The following PLCH1 variants were observed in gnomAD, a reference collection of about 807,000 sequenced individuals.
PLCH1 encodes the protein 1-phosphatidylinositol 4,5-bisphosphate phosphodiesterase eta-1.
PLCH1 carries 60 observed loss-of-function variants against 126.7 expected under a neutral mutation model. That is an observed-to-expected ratio of 0.47 (90% CI 0.38 to 0.59). The LOEUF is 0.59. PLCH1 is among the 20% of genes least tolerant of loss of function. PLCH1 has a pLI of 0.00. For synonymous variants in PLCH1, 719 were observed against 734.9 expected (o/e 0.98, Z 0.35); for missense variants, 1,723 against 2,040.0 (o/e 0.84, Z 2.99).
At chr3:155,637,153 G>T (rs1193655531) in intron 2 of PLCH1, among the ~76,000 whole-genome samples, 4 of 152,088 alleles carry the variant, frequency 2.6e-5, no homozygotes, top group Admixed American at 2.6e-4. Flanking sequence ...AAACTGATTG[G>T]ACCGTAAGCC....
chr3:155,575,308 T>G (rs1325190210), intron 6 of PLCH1, among the ~76,000 whole-genome samples: 1 of 152,082 alleles, frequency 6.6e-6, no homozygotes, highest in Non-Finnish European at 1.5e-5. Context: ...TTAGAATGAT[T>G]AGAATGACCA....
intron 21 of PLCH1, among the ~76,000 whole-genome samples, chr3:155,451,453 G>T (rs1200249274): frequency 6.6e-6 from 1 of 152,152 alleles, no homozygotes; most frequent in Non-Finnish European, 1.5e-5. Flanking sequence ...TGTTTAGAAG[G>T]TGTGATGGTT....
intron 2 of PLCH1, among the ~76,000 whole-genome samples, chr3:155,665,510 G>A (rs1246175101): frequency 6.6e-6 from 1 of 152,190 alleles, no homozygotes; most frequent in Non-Finnish European, 1.5e-5. Context: ...GTAGTGGAAG[G>A]AGAGGAGGCA....
At chr3:155,664,536 G>A (rs544148615) in intron 2 of PLCH1, among the ~76,000 whole-genome samples, 20 of 152,290 alleles carry the variant, frequency 1.3e-4, no homozygotes, top group African/African-American at 2.2e-4. Context: ...CAAAAGCAGC[G>A]TTAGAAAATA....
At chr3:155,609,104 TAAACA>T (rs1734736995) in intron 2 of PLCH1, among the ~76,000 whole-genome samples, 1 of 152,154 alleles carries the variant, frequency 6.6e-6, no homozygotes, top group South Asian at 2.1e-4. Flanking sequence ...ATCAGTGCAC[TAAACA>T]AAACTACAAG....
chr3:155,713,806 T>C (rs1464905732), intron 1 of PLCH1, among the ~76,000 whole-genome samples: 1 of 152,198 alleles, frequency 6.6e-6, no homozygotes, highest in Non-Finnish European at 1.5e-5. Context: ...GAATGAGATG[T>C]TCTTCAAAGT....
In PLCH1 at chr3:155,647,416, A is replaced by T. The variant is rs534969513; in HGVS notation, c.80-51038T>A. ...TGGGGACAGCACTATCAAGCAGAAGACACACTTCCTCAACCTCTTTCTCCT... is the reference window on the plus strand; with the variant it reads ...TGGGGACAGCACTATCAAGCAGAAGTCACACTTCCTCAACCTCTTTCTCCT... On this transcript the variant is annotated intron_variant, in intron 2 of 22. Coordinates refer to ENST00000460012, the MANE Select transcript of PLCH1 (RefSeq NM_014996.4). Among the ~76,000 whole-genome samples the T allele has an allele frequency of 4.6e-5, 7 of 151,804 alleles. 1 individual carries two copies. The highest frequency in any genetic ancestry group is 1.3e-4 in the Admixed American group (2 of 15,246).
chr3:155,631,165 C>T (rs9814374), intron 2 of PLCH1, among the ~76,000 whole-genome samples: 74,525 of 151,974 alleles, frequency 0.49, 20,609 homozygotes, highest in African/African-American at 0.74. Context: ...ACAAAATTCT[C>T]GGTATTTTGG....
Position 155,489,998 on chromosome 3 carries a change from C to T in PLCH1, c.2392+786G>A, listed in dbSNP as rs140109636. On this transcript the variant is annotated intron_variant, in intron 19 of 22. Transcript: ENST00000460012. ...AAAGAAAGAAGAATCTATTGAACATCGGTGGGAAAATGCAATTTGAGAAGG... is the reference window on the plus strand; with the variant it reads ...AAAGAAAGAAGAATCTATTGAACATTGGTGGGAAAATGCAATTTGAGAAGG... 1.1e-4 allele frequency among the ~76,000 whole-genome samples: 17 copies of T among 152,180 alleles called. 1 individual carries two copies. The East Asian group carries it at 2.9e-3, about 26-fold the overall frequency.
rs369423283 is a variant in PLCH1 at position 155,458,558 on chromosome 3, A to AAG, written c.2938+26797_2938+26798insCT. ...AGAAAAAGAAAAAGAAAGAAAGAGA[A>AAG]AAAGAAAGAAAGAAAGAAAGAAAGG... On this transcript the variant is annotated intron_variant, in intron 21 of 21. Coordinates refer to the PLCH1 transcript ENST00000494598. 7.3e-4 allele frequency among the ~76,000 whole-genome samples: 94 copies of AAG among 128,380 alleles called. 3 individuals are homozygous for AAG. Among genetic ancestry groups the AAG allele is most frequent in the African/African-American group, 3.0e-3 (91 of 30,736 alleles). The allele number at this position is 128,380 out of a possible 152,430, so 84.2% of individuals were successfully genotyped here. A position where few individuals can be genotyped will look rare whatever the true frequency, so the allele number is the denominator to read the frequency against.
At chr3:155,574,702 G>A (rs140294716) in intron 6 of PLCH1, among the ~76,000 whole-genome samples, 43 of 152,242 alleles carry the variant, frequency 2.8e-4, no homozygotes, top group African/African-American at 9.6e-4. Context: ...ATCCTAAAAC[G>A]AAACCACACA....
chr3:155,576,468 AT>A (rs1729974276), intron 6 of PLCH1, among the ~76,000 whole-genome samples: 1 of 152,186 alleles, frequency 6.6e-6, no homozygotes, highest in African/African-American at 2.4e-5. Flanking sequence ...TCAAACAGCA[AT>A]TGGACCTGTC....
intron 2 of PLCH1, among the ~76,000 whole-genome samples, chr3:155,676,924 C>T (rs1204808971): frequency 2.6e-5 from 4 of 151,990 alleles, no homozygotes; most frequent in Non-Finnish European, 5.9e-5. Context: ...GTGAATGAAA[C>T]CACACATTAT....
At chr3:155,687,463 C>T (rs1295786476) in intron 2 of PLCH1, among the ~76,000 whole-genome samples, 1 of 152,098 alleles carries the variant, frequency 6.6e-6, no homozygotes, top group Non-Finnish European at 1.5e-5. Flanking sequence ...TTATGCAGAA[C>T]TTGTTCTCTA....
chr3:155,495,042 G>A (rs1379179185), intron 15 of PLCH1, among the ~76,000 whole-genome samples: 2 of 152,080 alleles, frequency 1.3e-5, no homozygotes, highest in Admixed American at 6.6e-5. Flanking sequence ...ATAAAAAGTT[G>A]AGTTTTAAAG....
At chr3:155,604,959 A>G (rs1364084037) in intron 2 of PLCH1, among the ~76,000 whole-genome samples, 2 of 152,172 alleles carry the variant, frequency 1.3e-5, no homozygotes, top group African/African-American at 4.8e-5. Context: ...TGTGCTCTGA[A>G]TTTGTCTCTC....
intron 1 of PLCH1, among the ~76,000 whole-genome samples, chr3:155,713,248 T>A (rs1747277691): frequency 6.6e-6 from 1 of 152,092 alleles, no homozygotes; most frequent in Admixed American, 6.5e-5. Context: ...CCAACTCTAC[T>A]ATGAACCAAG....
intron 6 of PLCH1, among the ~76,000 whole-genome samples, chr3:155,582,971 G>A (rs1473591509): frequency 6.6e-6 from 1 of 151,582 alleles, no homozygotes; most frequent in East Asian, 1.9e-4. Context: ...TGATCAAATG[G>A]CAATTTACTA....
At chr3:155,688,925 T>G (rs1452836474) in intron 2 of PLCH1, among the ~76,000 whole-genome samples, 1 of 152,186 alleles carries the variant, frequency 6.6e-6, no homozygotes, top group Admixed American at 6.5e-5. Context: ...CTTCAATCCC[T>G]GGCTCCCAGA....
Sources: gnomAD v4.1 joint callset for allele counts (sites outside exome capture counted in the v4.1 genomes callset) on GRCh38, gnomAD v4.1.1 for gene constraint, MANE v1.5 for transcripts, NCBI Gene and HGNC (gene_info 2026-07-23, HGNC 2026-07-21) for gene names.